Variants in ANKH observed in about 807,000 individuals in gnomAD.
ANKH encodes mineralization regulator ANKH.
Under a neutral mutation model 49.0 loss-of-function variants are expected in ANKH, and 15 were observed. The ratio of observed to expected loss-of-function variants is 0.31; its 90% CI spans 0.20 to 0.47. The LOEUF (loss-of-function observed/expected upper bound fraction) is 0.47, where lower values mean the gene tolerates loss of function less well. Among genes scored for constraint, ANKH ranks in the 20% least tolerant of loss-of-function variants. ANKH has a pLI of 1.00. For missense variants in ANKH, 429 were observed against 652.0 expected (o/e 0.66, Z 3.72); for synonymous variants, 273 against 260.0 (o/e 1.05, Z -0.48).
chr5:14,816,486 G>A (rs151226656), intron 1 of ANKH, among the ~76,000 whole-genome samples: 1 of 152,284 alleles, frequency 6.6e-6, no homozygotes, highest in African/African-American at 2.4e-5. Flanking sequence ...GACCCAGCAT[G>A]AGAGGAAGGG....
intron 1 of ANKH, among the ~76,000 whole-genome samples, chr5:14,787,559 T>A (rs1029580218): frequency 6.6e-6 from 1 of 152,172 alleles, no homozygotes; most frequent in African/African-American, 2.4e-5. Context: ...CTTGATACAT[T>A]TCTGTATCAT....
At chr5:14,830,384 A>G (rs930800941) in intron 1 of ANKH, among the ~76,000 whole-genome samples, 1 of 152,162 alleles carries the variant, frequency 6.6e-6, no homozygotes, top group Non-Finnish European at 1.5e-5. Context: ...GTAGGAGGTA[A>G]TGAAAACGTG....
At chr5:14,754,192 C>A (rs1311913845) in intron 4 of ANKH, among the ~76,000 whole-genome samples, 2 of 152,210 alleles carry the variant, frequency 1.3e-5, no homozygotes, top group Admixed American at 6.5e-5. Context: ...CAGGCCTTCC[C>A]TCAACAGGCA....
rs572785716 is a variant in ANKH, at chr5:14,709,774, C to G, written c.*1423G>C. On this transcript the variant is annotated 3_prime_UTR_variant, in exon 12 of 12. Transcript: ENST00000284268. ...AGGTACAATGTTCATTGATACAATA[C>G]GTTTCAACTGCAGGTATGTTGAGCA... The G allele has an allele frequency of 6.6e-6, 1 of 152,510 alleles. No individual in the cohort carries two copies. Among genetic ancestry groups the G allele is most frequent in the African/African-American group, 2.4e-5 (1 of 41,382 alleles). 9.4% of individuals were successfully genotyped at this position (152,510 alleles called of 1,614,324 possible).
rs886060065 is a variant in ANKH at position 14,704,992 on chromosome 5, C to T, written c.*6205G>A. The T allele has an allele frequency of 5.3e-5, 8 of 152,040 alleles. No homozygotes were observed. In the East Asian group the frequency reaches 5.8e-4, roughly 11 times the overall value. The allele number at this position is 152,040 out of a possible 1,614,324, so 9.4% of individuals were successfully genotyped here. ...AAAGCGACATGTATTTTATACTGAC[C>T]GCTGTAGTCAATTTTAATCAAAAAC... is the stretch of plus-strand genomic sequence containing the variant. On this transcript the variant is annotated 3_prime_UTR_variant, in exon 12 of 12. Transcript: ENST00000284268.
At chr5:14,817,415 T>G (rs1415042305) in intron 1 of ANKH, among the ~76,000 whole-genome samples, 1 of 152,078 alleles carries the variant, frequency 6.6e-6, no homozygotes, top group Non-Finnish European at 1.5e-5. Context: ...AAAATCCTGG[T>G]GAATTTAAGA....
intron 1 of ANKH, among the ~76,000 whole-genome samples, chr5:14,803,882 T>C (rs1225319627): frequency 6.6e-6 from 1 of 152,114 alleles, no homozygotes; most frequent in African/African-American, 2.4e-5. Flanking sequence ...TAGCAAATTC[T>C]ATTAGTTCTC....
At chr5:14,733,929 T>C (rs988551422) in intron 8 of ANKH, among the ~76,000 whole-genome samples, 8 of 152,256 alleles carry the variant, frequency 5.3e-5, no homozygotes, top group African/African-American at 1.9e-4. Flanking sequence ...TTCTGTACAC[T>C]GTCTTTAAGC....
chr5:14,813,361 G>T (rs1426259654), intron 1 of ANKH, among the ~76,000 whole-genome samples: 1 of 152,106 alleles, frequency 6.6e-6, no homozygotes, highest in Non-Finnish European at 1.5e-5. Flanking sequence ...TACTCACAGG[G>T]TATCAGCAAA....
At chr5:14,741,612 A>T (rs1049093146) in intron 8 of ANKH, 1 of 548,102 alleles carries the variant, frequency 1.8e-6, no homozygotes. Flanking sequence ...AGAAGTCCCA[A>T]GAAATGCCTG....
At chr5:14,833,692 G>C (rs180783626) in intron 1 of ANKH, among the ~76,000 whole-genome samples, 1 of 152,332 alleles carries the variant, frequency 6.6e-6, no homozygotes, top group Admixed American at 6.5e-5. Context: ...ACTGGCCAAT[G>C]CTGGGCCTGA....
intron 2 of ANKH, among the ~76,000 whole-genome samples, chr5:14,760,013 G>A (rs1486407136): frequency 3.3e-5 from 5 of 152,144 alleles, no homozygotes; most frequent in African/African-American, 1.2e-4. Context: ...CAAGGTGTGG[G>A]AAGCTGGAAT....
intron 8 of ANKH, among the ~76,000 whole-genome samples, chr5:14,732,250 A>G (rs562702789): frequency 3.3e-5 from 5 of 152,252 alleles, no homozygotes; most frequent in African/African-American, 4.8e-5. Context: ...GGGCTCTGGT[A>G]GCACCATCTG....
chr5:14,784,346 G>A (rs1346111037), intron 1 of ANKH, among the ~76,000 whole-genome samples: 2 of 152,154 alleles, frequency 1.3e-5, no homozygotes, highest in African/African-American at 4.8e-5. Flanking sequence ...CAGTGAGACT[G>A]CCAGCCTGCC....
intron 1 of ANKH, among the ~76,000 whole-genome samples, chr5:14,788,995 G>A (rs561824080): frequency 6.6e-5 from 10 of 152,308 alleles, no homozygotes; most frequent in African/African-American, 2.4e-4. Flanking sequence ...TTGGGAGGCC[G>A]AGGCGGGTGG....
chr5:14,775,466 A>C (rs754373999), intron 1 of ANKH, among the ~76,000 whole-genome samples: 8 of 152,180 alleles, frequency 5.3e-5, no homozygotes, highest in Non-Finnish European at 1.0e-4. Context: ...ATACTGCACA[A>C]TTTTCAGACT....
At chr5:14,741,166 T>C (rs890144486) in intron 8 of ANKH, 1 of 152,396 alleles carries the variant, frequency 6.6e-6, no homozygotes, top group Non-Finnish European at 1.5e-5. Context: ...ATAAAGCATG[T>C]ACCTATTTTA....
chr5:14,758,596 A>G lies in ANKH; in HGVS notation c.316T>C (p.Tyr106His). The change falls in exon 3 of 12, where the codon TAT becomes CAT. Residue 106 changes from tyrosine (Y) to histidine (H), a missense_variant and splice_region_variant. Tyr to His is a moderately conservative substitution (Grantham distance 83, BLOSUM62 2). Transcript: ENST00000284268. ...ATAATGTAGTATCCTAAATCACTAT[A>G]AGCTGCAAAGTGTCGAAAGGCATAT... ...IAAVFHTLIA[Y>H]SDLGYYIINK... 2 of 1,597,502 alleles carry G rather than the reference A, an allele frequency of 1.3e-6. No individual in the cohort carries two copies. Among genetic ancestry groups the G allele is most frequent in the Non-Finnish European group, 1.7e-6 (2 of 1,164,824 alleles).
chr5:14,731,088 A>G (rs1737984935), intron 8 of ANKH, among the ~76,000 whole-genome samples: 1 of 152,232 alleles, frequency 6.6e-6, no homozygotes, highest in Non-Finnish European at 1.5e-5. Context: ...AGGCGGCCCA[A>G]CACGGGCGTG....
Sources: gnomAD v4.1 joint callset for allele counts (sites outside exome capture counted in the v4.1 genomes callset) on GRCh38, gnomAD v4.1.1 for gene constraint, MANE v1.5 for transcripts, NCBI Gene and HGNC (gene_info 2026-07-23, HGNC 2026-07-21) for gene names.